OSBPL3: variants seen among roughly 807,000 people sequenced by gnomAD.
OSBPL3 encodes the protein oxysterol-binding protein-related protein 3.
OSBPL3 carries 65 observed loss-of-function variants against 120.1 expected under a neutral mutation model. The observed-to-expected ratio is 0.54, with a 90% CI of 0.44 to 0.67. The LOEUF is 0.67. Among genes scored for constraint, OSBPL3 ranks in the 30% least tolerant of loss-of-function variants. The pLI is 0.00. For synonymous variants in OSBPL3, 416 were observed against 402.6 expected (o/e 1.03, Z -0.40); for missense variants, 1,004 against 1,082.1 (o/e 0.93, Z 1.01).
In OSBPL3 at chr7:24,804,363, C is replaced by T. The variant is rs758184243; in HGVS notation, c.2519G>A (p.Arg840Gln). The T allele has an allele frequency of 8.1e-6, 13 of 1,613,986 alleles. No homozygotes were observed. The highest frequency in any genetic ancestry group is 2.2e-5 in the East Asian group (1 of 44,900). Residue 840 changes from arginine to glutamine, a missense_variant, in exon 22 of 23, where the codon CGG becomes CAG. By Grantham distance (43) the Arg-to-Gln change is conservative. Transcript: ENST00000313367. This position sits in a 1 kb window ranked among gnomAD's most constrained non-coding sequence, Gnocchi z 5.4. ...QRIEQLQRER[R>Q]RVLEENHVEH... Reference sequence around the variant, plus strand: ...CACATGATTTTCTTCTAAGACCCGCCGCCTTTCTCTCTGCAGTTGTTCAAT... The same window carrying T: ...CACATGATTTTCTTCTAAGACCCGCTGCCTTTCTCTCTGCAGTTGTTCAAT...
At chr7:24,919,487 C>T (rs910836304) in intron 1 of OSBPL3, among the ~76,000 whole-genome samples, 1 of 152,016 alleles carries the variant, frequency 6.6e-6, no homozygotes, top group Non-Finnish European at 1.5e-5. Flanking sequence ...GGCCCCCTAC[C>T]TCACACTATA....
intron 1 of OSBPL3, among the ~76,000 whole-genome samples, chr7:24,928,480 C>T (rs534294641): frequency 5.3e-5 from 8 of 152,284 alleles, no homozygotes; most frequent in Admixed American, 2.6e-4. Flanking sequence ...CATCAGCCAC[C>T]GTGCCCGGCC....
intron 2 of OSBPL3, among the ~76,000 whole-genome samples, chr7:24,888,285 A>T (rs1329801336): frequency 6.6e-6 from 1 of 152,212 alleles, no homozygotes; most frequent in Non-Finnish European, 1.5e-5. Context: ...CCTGAGTCTG[A>T]CCCTGGAATA....
rs1048577420 is a variant in OSBPL3 at position 24,835,328 on chromosome 7, CTA to C, written c.1496-594_1496-593del. Among the ~76,000 whole-genome samples, 1 of 152,016 alleles carries C rather than the reference CTA, an allele frequency of 6.6e-6. No homozygotes were observed. The highest frequency in any genetic ancestry group is 1.5e-5 in the Non-Finnish European group (1 of 67,994). On this transcript the variant is annotated intron_variant, in intron 14 of 22. Coordinates refer to ENST00000313367, the MANE Select transcript of OSBPL3 (RefSeq NM_015550.4). The surrounding 1 kb of genome is among the most constrained non-coding windows in gnomAD (Gnocchi z 4.8). Reference sequence around the variant, plus strand: ...AAACATCAGTTTTTGCTCAATATCACTAATCATTAGAGAAATGCAAATCAAAA... The same window carrying C: ...AAACATCAGTTTTTGCTCAATATCACATCATTAGAGAAATGCAAATCAAAA...
At chr7:24,861,898 T>G (rs1449949479) in intron 9 of OSBPL3, 129 bp from the exon 10 acceptor site, 9 of 549,158 alleles carry the variant, frequency 1.6e-5, no homozygotes, top group African/African-American at 1.0e-4. Flanking sequence ...TTTTTTTTTT[T>G]TTGGGGGGGA....
rs1194211501 is a variant in OSBPL3, at chr7:24,855,017, T to C, written c.1028-2383A>G. 2.0e-5 allele frequency among the ~76,000 whole-genome samples: 3 copies of C among 152,224 alleles called. No individual in the cohort carries two copies. The highest frequency in any genetic ancestry group is 4.4e-5 in the Non-Finnish European group (3 of 68,040). On this transcript the variant is annotated intron_variant, in intron 10 of 22. Coordinates refer to ENST00000313367, the MANE Select transcript of OSBPL3 (RefSeq NM_015550.4). The surrounding 1 kb of genome is among the most constrained non-coding windows in gnomAD (Gnocchi z 4.3). ...AGCAGCTCTAGATGATGCTTTACTC[T>C]TTTGCCAGGAAAATGCTTGTAAATA...
chr7:24,901,353 GA>G (rs71554010), intron 1 of OSBPL3, among the ~76,000 whole-genome samples: 14 of 141,062 alleles, frequency 9.9e-5, no homozygotes, highest in Admixed American at 4.2e-4. Flanking sequence ...CTCCATCTCA[GA>G]AAAAAAAAAA....
At chr7:24,926,827 C>A (rs123) in intron 1 of OSBPL3, among the ~76,000 whole-genome samples, 88,728 of 152,082 alleles carry the variant, frequency 0.58, 26,856 homozygotes, top group East Asian at 0.91. Flanking sequence ...TCTATGATTC[C>A]TATATCCTGC....
In OSBPL3 at chr7:24,845,384, T is replaced by TAAAA. The variant is rs34559902; in HGVS notation, c.1267-2975_1267-2972dup. Among the ~76,000 whole-genome samples the TAAAA allele has an allele frequency of 4.7e-3, 294 of 62,224 alleles. 1 individual carries two copies. The highest frequency in any genetic ancestry group is 6.3e-3 in the Non-Finnish European group (228 of 36,218). The allele number at this position is 62,224 out of a possible 152,430, so 40.8% of individuals were successfully genotyped here. A position where few individuals can be genotyped will look rare whatever the true frequency, so the allele number is the denominator to read the frequency against. ...GAATTTACAAATATTGCAAAATAAG[T>TAAAA]AAAAAAAAAAAAAAAAAAAAAAAAA... On this transcript the variant is annotated intron_variant, in intron 12 of 22. Transcript: ENST00000313367.
chr7:24,856,296 C>A (rs1469773782), intron 10 of OSBPL3, among the ~76,000 whole-genome samples: 2 of 151,890 alleles, frequency 1.3e-5, no homozygotes, highest in African/African-American at 4.8e-5. Flanking sequence ...GTGGTCACTA[C>A]CTTTCTGTTT....
rs373767371 is a variant in OSBPL3 at position 24,834,457 on chromosome 7, A to G, written c.1746+29T>C. On this transcript the variant is annotated intron_variant, in intron 15 of 22. Transcript: ENST00000313367. This position sits in a 1 kb window ranked among gnomAD's most constrained non-coding sequence, Gnocchi z 5.2. ...CTCGTGGCTTGGGGACCGAGGCTGG[A>G]CAGTGGCAAGGGAAGGCTGACTCCT... The G allele has an allele frequency of 8.3e-5, 133 of 1,594,622 alleles. No homozygotes were observed. The African/African-American group carries it at 1.6e-3, about 19-fold the overall frequency.
intron 1 of OSBPL3, among the ~76,000 whole-genome samples, chr7:24,948,928 C>T (rs1814059041): frequency 6.6e-6 from 1 of 152,150 alleles, no homozygotes. Context: ...TAAACAATTT[C>T]CAGGAGGAGG....
rs1212814982 is a variant in OSBPL3 at position 24,883,527 on chromosome 7, CCT to C, written c.96+8848_96+8849del. Among the ~76,000 whole-genome samples the C allele has an allele frequency of 2.6e-5, 4 of 152,118 alleles. No homozygotes were observed. The highest frequency in any genetic ancestry group is 9.7e-5 in the African/African-American group (4 of 41,416). ...AGCATCTGGGCCAGGGTTCTGCCTT[CCT>C]GTATCTTAAATGTGCCCACTGCCAA... On this transcript the variant is annotated intron_variant, in intron 2 of 22. Coordinates refer to ENST00000313367, the MANE Select transcript of OSBPL3 (RefSeq NM_015550.4). This position sits in a 1 kb window ranked among gnomAD's most constrained non-coding sequence, Gnocchi z 5.4.
At chr7:24,917,412 ATATATATATATATATT>A (rs1391904513) in intron 1 of OSBPL3, among the ~76,000 whole-genome samples, 23 of 132,998 alleles carry the variant, frequency 1.7e-4, no homozygotes, top group African/African-American at 7.6e-4. Flanking sequence ...ATATATATAT[ATATATATATATATATT>A]TGTAACATAT....
rs1291327089 is a variant in OSBPL3 at position 24,817,895 on chromosome 7, GTAC to G, written c.1949-1210_1949-1208del. 2.0e-5 allele frequency among the ~76,000 whole-genome samples: 3 copies of G among 152,170 alleles called. No individual in the cohort carries two copies. The highest frequency in any genetic ancestry group is 4.4e-5 in the Non-Finnish European group (3 of 68,044). Reference sequence around the variant, plus strand: ...TTTCTCTAACTTGCAATGAATGGTGGTACCAACAGAGAAGCCAGGAAATAGAAA... The same window carrying G: ...TTTCTCTAACTTGCAATGAATGGTGGCAACAGAGAAGCCAGGAAATAGAAA... On this transcript the variant is annotated intron_variant, in intron 17 of 22. Coordinates refer to ENST00000313367, the MANE Select transcript of OSBPL3 (RefSeq NM_015550.4). This position sits in a 1 kb window ranked among gnomAD's most constrained non-coding sequence, Gnocchi z 4.0.
At position 24,932,064 on chromosome 7, in the gene OSBPL3, A is replaced by T. The variant is rs1811857466; in HGVS notation, c.-149-39443T>A. On this transcript the variant is annotated intron_variant, in intron 1 of 22. Coordinates refer to ENST00000313367, the MANE Select transcript of OSBPL3 (RefSeq NM_015550.4). The surrounding 1 kb of genome is among the most constrained non-coding windows in gnomAD (Gnocchi z 5.6). ...CTAGATGAATGATAATCTCTCCTTA[A>T]CAAAGGCCAGAGGGCTTTCCCTACA... Among the ~76,000 whole-genome samples the T allele has an allele frequency of 6.6e-6, 1 of 152,230 alleles. No homozygotes were observed. Among genetic ancestry groups the T allele is most frequent in the Non-Finnish European group, 1.5e-5 (1 of 68,042 alleles).
chr7:24,976,616 G>T (rs1172319422), intron 1 of OSBPL3, among the ~76,000 whole-genome samples: 3 of 152,120 alleles, frequency 2.0e-5, no homozygotes, highest in Admixed American at 1.3e-4. Context: ...AATGTGCAGA[G>T]AACCATAAAC....
chr7:24,916,717 T>C lies in OSBPL3; in HGVS notation c.-149-24096A>G, dbSNP rs945618422. On this transcript the variant is annotated intron_variant, in intron 1 of 22. Transcript: ENST00000313367. The surrounding 1 kb of genome is among the most constrained non-coding windows in gnomAD (Gnocchi z 4.9). ...CCTAATATCATTCCTCCCGACACCA[T>C]CATCTAGTAGGGAAGTGTAGAAACC... Among the ~76,000 whole-genome samples the C allele has an allele frequency of 6.6e-5, 10 of 152,048 alleles. 2 individuals are homozygous for C. The highest frequency in any genetic ancestry group is 6.6e-4 in the Admixed American group (10 of 15,260).
rs1161602940 is a variant in OSBPL3, at chr7:24,918,456, C to T, written c.-149-25835G>A. On this transcript the variant is annotated intron_variant, in intron 1 of 22. Coordinates refer to ENST00000313367, the MANE Select transcript of OSBPL3 (RefSeq NM_015550.4). This position sits in a 1 kb window ranked among gnomAD's most constrained non-coding sequence, Gnocchi z 4.3. ...GTATTTGGAAGAAAGAAGTGCCACTCGAGAGAGTTAAAACACTAAGTCAGC... is the reference window on the plus strand; with the variant it reads ...GTATTTGGAAGAAAGAAGTGCCACTTGAGAGAGTTAAAACACTAAGTCAGC... Among the ~76,000 whole-genome samples, 1 of 152,142 alleles carries T rather than the reference C, an allele frequency of 6.6e-6. No homozygotes were observed. The highest frequency in any genetic ancestry group is 1.5e-5 in the Non-Finnish European group (1 of 68,036).
Sources: gnomAD v4.1 joint callset for allele counts (sites outside exome capture counted in the v4.1 genomes callset) on GRCh38, gnomAD v4.1.1 for gene constraint, Gnocchi (gnomAD v3.1) non-coding constraint, MANE v1.5 for transcripts, NCBI Gene and HGNC (gene_info 2026-07-23, HGNC 2026-07-21) for gene names.